PZP: variants seen among roughly 807,000 people sequenced by gnomAD.
PZP encodes the protein pregnancy zone protein.
In PZP, 150 loss-of-function variants were observed where a neutral mutation model predicts 179.8. That is an observed-to-expected ratio of 0.83 (90% CI 0.73 to 0.96). The LOEUF is 0.96. Ranked by LOEUF, PZP falls within the 40% of genes least tolerant of loss-of-function variation. The pLI is 0.00. For missense variants in PZP, 1,689 were observed against 1,764.0 expected, an observed-to-expected ratio of 0.96 and a Z score of 0.76; for synonymous variants, 624 against 652.3, an observed-to-expected ratio of 0.96 and a Z score of 0.66.
In PZP at chr12:9,148,888, A is replaced by G; in HGVS notation, c.*84T>C. 5.6e-6 allele frequency: 7 copies of G among 1,257,228 alleles called. No homozygotes were observed. Among genetic ancestry groups the G allele is most frequent in the Non-Finnish European group, 8.0e-6 (7 of 872,386 alleles). 77.9% of individuals were successfully genotyped at this position (1,257,228 alleles called of 1,614,324 possible). A position where few individuals can be genotyped will look rare whatever the true frequency, so the allele number is the denominator to read the frequency against. ...TATTCAGCAAATATTTTTAGTGTCT[A>G]TTTTATAGAGACAAATAACTCCATT... On this transcript the variant is annotated 3_prime_UTR_variant, in exon 36 of 36. Transcript: ENST00000261336.
intron 1 of PZP, 56 bp from the exon 2 acceptor site, chr12:9,204,007 T>C (rs78952243): frequency 0.13 from 188,834 of 1,468,546 alleles, 12,990 homozygotes; most frequent in South Asian, 0.2. Flanking sequence ...AGCGTTTTCA[T>C]CCATAAATGT....
At chr12:9,200,262 T>C in intron 7 of PZP, 102 bp downstream of exon 7, 1 of 703,498 alleles carries the variant, frequency 1.4e-6, no homozygotes, top group African/African-American at 1.8e-5. Context: ...GGAGTAATAT[T>C]ACAAAAGTGC....
chr12:9,199,665 G>A (rs1944038026), intron 7 of PZP, among the ~76,000 whole-genome samples: 1 of 151,988 alleles, frequency 6.6e-6, no homozygotes, highest in African/African-American at 2.4e-5. Context: ...AAAAAAAGGA[G>A]GTTATAGACT....
chr12:9,204,635 T>TAC (rs1328621143), intron 1 of PZP, among the ~76,000 whole-genome samples: 3 of 152,268 alleles, frequency 2.0e-5, no homozygotes, highest in African/African-American at 7.2e-5. Context: ...AACTCCCTGC[T>TAC]ACACACACAC....
intron 7 of PZP, among the ~76,000 whole-genome samples, chr12:9,198,796 T>C (rs1943988225): frequency 2.0e-5 from 3 of 152,196 alleles, no homozygotes; most frequent in Admixed American, 2.0e-4. Flanking sequence ...GAAGCCCTTC[T>C]CCAACATATA....
At position 9,208,393 on chromosome 12, in the gene PZP, C is replaced by T; in HGVS notation, c.-52G>A. 6.8e-7 allele frequency: 1 copy of T among 1,466,154 alleles called. No individual in the cohort carries two copies. The highest frequency in any genetic ancestry group is 9.5e-7 in the Non-Finnish European group (1 of 1,049,970). 90.8% of individuals were successfully genotyped at this position (1,466,154 alleles called of 1,614,324 possible). ...TCCAACTCTCTGCCCTCAGCCTCGC[C>T]CTGGAGACCAGCTGAGTTTACCAGG... On this transcript the variant is annotated 5_prime_UTR_variant, in exon 1 of 36. Transcript: ENST00000261336.
intron 15 of PZP, among the ~76,000 whole-genome samples, chr12:9,178,581 TTCTA>T (rs1238427644): frequency 1.3e-5 from 2 of 152,222 alleles, no homozygotes; most frequent in Non-Finnish European, 2.9e-5. Flanking sequence ...AGAACGAATC[TTCTA>T]TCTATCAAAT....
intron 13 of PZP, among the ~76,000 whole-genome samples, chr12:9,184,968 C>T (rs1262313652): frequency 6.6e-6 from 1 of 152,206 alleles, no homozygotes; most frequent in African/African-American, 2.4e-5. Flanking sequence ...CATCAGCCCG[C>T]AAAGATGAGA....
In PZP at chr12:9,158,493, G is replaced by T. The variant is rs146198322; in HGVS notation, c.3221C>A (p.Thr1074Lys). 4.5e-5 allele frequency: 73 copies of T among 1,614,164 alleles called. 2 individuals carry two copies. The African/African-American group carries it at 9.2e-4, about 20-fold the overall frequency. Residue 1074 changes from threonine to lysine, a missense_variant, in exon 26 of 36, where the codon ACG (threonine) becomes AAG (lysine). Thr to Lys is a moderately conservative substitution (Grantham distance 78, BLOSUM62 -1). Around this residue, in one of 3 missense-constraint regions of PZP, gnomAD observed 746 missense variants for 749.2 expected, o/e 1.00. Transcript: ENST00000261336. ...GTCCTTCTGCATCTGGGAGAGCCAC[G>T]TGAGAGATTGGGTAATGTGTGCTTC... is the stretch of plus-strand genomic sequence containing the variant. The part of the protein sequence containing the change: ...IDEAHITQSL[T>K]WLSQMQKDNG...
intron 18 of PZP, 115 bp from the exon 19 acceptor site, chr12:9,165,482 G>C: frequency 8.4e-7 from 1 of 1,185,902 alleles, no homozygotes; most frequent in Non-Finnish European, 1.2e-6. Flanking sequence ...AAGGGTATAT[G>C]CGAGTGTGCA....
intron 13 of PZP, among the ~76,000 whole-genome samples, chr12:9,189,131 G>A (rs1943305589): frequency 6.6e-6 from 1 of 152,064 alleles, no homozygotes; most frequent in African/African-American, 2.4e-5. Context: ...ATCCTTCACA[G>A]ACCTAGATAA....
intron 14 of PZP, 55 bp downstream of exon 14, chr12:9,181,920 G>A (rs2120971798): frequency 1.7e-5 from 26 of 1,556,948 alleles, no homozygotes; most frequent in Non-Finnish European, 2.2e-5. Context: ...TAAAATAGAT[G>A]GCACCTACAG....
At chr12:9,194,646 A>C (rs902437783) in intron 10 of PZP, among the ~76,000 whole-genome samples, 2 of 151,970 alleles carry the variant, frequency 1.3e-5, no homozygotes, top group East Asian at 3.9e-4. Context: ...TTGTATTTTT[A>C]GTAGAGACGG....
the PZP span, among the ~76,000 whole-genome samples, chr12:9,137,648 A>T: frequency 8.9e-4 from 136 of 152,080 alleles, 1 homozygote; most frequent in Non-Finnish European, 2.6e-4. Flanking sequence ...TAAATCTTCC[A>T]ATCAATGAAC....
At chr12:9,204,544 C>T (rs1362707547) in intron 1 of PZP, among the ~76,000 whole-genome samples, 1 of 152,162 alleles carries the variant, frequency 6.6e-6, no homozygotes, top group Non-Finnish European at 1.5e-5. Context: ...TGCTGTTTCT[C>T]TTAGGCTCCT....
chr12:9,136,475 TTTC>T, the PZP span, among the ~76,000 whole-genome samples: 1 of 152,232 alleles, frequency 6.6e-6, no homozygotes, highest in African/African-American at 2.4e-5. Context: ...TAATAAATTG[TTTC>T]TTATCTTGGC....
chr12:9,151,773 G>A (rs1333920413), intron 32 of PZP, 101 bp from the exon 33 acceptor site: 7 of 891,702 alleles, frequency 7.9e-6, no homozygotes, highest in Non-Finnish European at 1.2e-5. Context: ...GTCATTCTCT[G>A]AAGAGAAGAA....
At chr12:9,202,929 G>C (rs767573965) in intron 2 of PZP, among the ~76,000 whole-genome samples, 1 of 152,112 alleles carries the variant, frequency 6.6e-6, no homozygotes, top group Non-Finnish European at 1.5e-5. Context: ...TAAATTAGAT[G>C]CCTTTTAACT....
chr12:9,149,430 T>G, intron 35 of PZP, 131 bp downstream of exon 35: 5 of 863,376 alleles, frequency 5.8e-6, no homozygotes, highest in African/African-American at 1.7e-5. Flanking sequence ...CACAGTTTTG[T>G]CTTGGTGTGA....
Sources: gnomAD v4.1 joint callset for allele counts (sites outside exome capture counted in the v4.1 genomes callset) on GRCh38, gnomAD v4.1.1 for gene constraint, gnomAD v4.1.1 regional missense constraint, MANE v1.5 for transcripts, NCBI Gene and HGNC (gene_info 2026-07-23, HGNC 2026-07-21) for gene names.